Variants in ADAM9 observed in about 807,000 individuals in gnomAD.
ADAM9 encodes the protein ADAM metallopeptidase domain 9, also known as disintegrin and metalloproteinase domain-containing protein 9.
In ADAM9, 54 loss-of-function variants were observed where a neutral mutation model predicts 108.1. The observed-to-expected ratio is 0.50, with a 90% CI of 0.40 to 0.63. The LOEUF (loss-of-function observed/expected upper bound fraction) is 0.63, where lower values mean the gene tolerates loss of function less well. Among genes scored for constraint, ADAM9 ranks in the 20% least tolerant of loss-of-function variants. ADAM9 has a pLI of 0.00. For synonymous variants in ADAM9, 316 were observed against 336.0 expected, an observed-to-expected ratio of 0.94 and a Z score of 0.65; for missense variants, 830 against 997.7, an observed-to-expected ratio of 0.83 and a Z score of 2.26.
intron 12 of ADAM9, among the ~76,000 whole-genome samples, chr8:39,045,373 CATACACCTATAGGT>C (rs1564301004): frequency 3.1e-4 from 35 of 113,566 alleles, no homozygotes; most frequent in South Asian, 9.1e-4. Flanking sequence ...GGTGTGTGTA[CATACACCTATAGGT>C]GTGTGTACAC....
At chr8:39,088,642 C>G (rs1189724374) in intron 18 of ADAM9, among the ~76,000 whole-genome samples, 1 of 152,084 alleles carries the variant, frequency 6.6e-6, no homozygotes, top group Non-Finnish European at 1.5e-5. Context: ...TTTATATCTA[C>G]TATATTGTTT....
intron 12 of ADAM9, among the ~76,000 whole-genome samples, chr8:39,045,396 ACACACCTATATGTGCGCG>A (rs1837702004): frequency 6.9e-6 from 1 of 145,314 alleles, no homozygotes. Flanking sequence ...GTGTGTGTAC[ACACACCTATATGTGCGCG>A]TGTGTACACA....
intron 14 of ADAM9, among the ~76,000 whole-genome samples, chr8:39,063,040 C>T (rs1016451187): frequency 6.6e-6 from 1 of 152,216 alleles, no homozygotes; most frequent in African/African-American, 2.4e-5. Context: ...TGGCAACATT[C>T]AATGCAGACT....
At chr8:39,041,768 G>T (rs1363205893) in intron 11 of ADAM9, among the ~76,000 whole-genome samples, 178 bp from the exon 12 acceptor site, 1 of 152,120 alleles carries the variant, frequency 6.6e-6, no homozygotes, top group African/African-American at 2.4e-5. Flanking sequence ...TTATATAGTA[G>T]CTGAAGTAAT....
At chr8:39,051,841 C>T (rs559386202) in intron 12 of ADAM9, among the ~76,000 whole-genome samples, 1 of 152,068 alleles carries the variant, frequency 6.6e-6, no homozygotes, top group East Asian at 1.9e-4. Context: ...TTTATTTAAC[C>T]ATACTCTCAT....
At chr8:39,084,372 A>C (rs1403633566) in intron 18 of ADAM9, among the ~76,000 whole-genome samples, 1 of 148,838 alleles carries the variant, frequency 6.7e-6, no homozygotes, top group East Asian at 2.0e-4. Flanking sequence ...TATTGCTATC[A>C]GTTTTCCTTT....
rs891332572 is a variant in ADAM9 at position 39,012,479 on chromosome 8, A to G, written c.254+763A>G. ...CCAATAGATTATAAATCATGCTGCT[A>G]TAAAGACACATGCACACATATGTTT... On this transcript the variant is annotated intron_variant, in intron 3 of 21. Transcript: ENST00000487273. Among the ~76,000 whole-genome samples the G allele has an allele frequency of 2.6e-5, 4 of 152,258 alleles. No individual in the cohort carries two copies. The East Asian group carries it at 7.7e-4, about 29-fold the overall frequency.
chr8:38,997,170 C>T lies in ADAM9; in HGVS notation c.97+10C>T, dbSNP rs543712046. 1.9e-6 allele frequency: 3 copies of T among 1,595,484 alleles called. No individual in the cohort carries two copies. Among genetic ancestry groups the T allele is most frequent in the Non-Finnish European group, 2.5e-6 (3 of 1,177,554 alleles). The stretch of plus-strand genomic sequence containing the variant: ...GGTGCGGCGCGGCCAGGTGGGTGTC[C>T]GCGCCCCGGGTCGGTTGGGACGGCT... On this transcript the variant is annotated intron_variant, in intron 1 of 21. Transcript: ENST00000487273.
chr8:39,009,872 C>T (rs1447836045), intron 2 of ADAM9, among the ~76,000 whole-genome samples: 1 of 112,926 alleles, frequency 8.9e-6, no homozygotes, highest in Non-Finnish European at 1.6e-5. Flanking sequence ...GTCTTGTATT[C>T]TATGGAGCTT....
intron 6 of ADAM9, among the ~76,000 whole-genome samples, 163 bp downstream of exon 6, chr8:39,017,577 C>T (rs553332678): frequency 5.9e-5 from 9 of 151,970 alleles, no homozygotes; most frequent in Admixed American, 3.9e-4. Flanking sequence ...AAAAGATGAG[C>T]GATATATAGT....
At chr8:39,004,150 T>C (rs1461088386) in intron 1 of ADAM9, among the ~76,000 whole-genome samples, 1 of 152,210 alleles carries the variant, frequency 6.6e-6, no homozygotes, top group Non-Finnish European at 1.5e-5. Flanking sequence ...ACGAAAAAAC[T>C]TCAGTTTGGT....
chr8:39,098,730 G>A (rs1420140028), intron 20 of ADAM9, among the ~76,000 whole-genome samples: 2 of 152,122 alleles, frequency 1.3e-5, no homozygotes, highest in Admixed American at 6.5e-5. Context: ...TAATATGTAT[G>A]CCCTTGGTGG....
At chr8:39,050,564 T>G (rs747939784) in intron 12 of ADAM9, among the ~76,000 whole-genome samples, 1 of 152,094 alleles carries the variant, frequency 6.6e-6, no homozygotes, top group Non-Finnish European at 1.5e-5. Flanking sequence ...CATTTTTCCA[T>G]TAAGTTGGTG....
chr8:39,016,207 C>G lies in ADAM9; in HGVS notation c.410+13C>G, dbSNP rs189863180. On this transcript the variant is annotated intron_variant, in intron 5 of 21. Coordinates refer to ENST00000487273, the MANE Select transcript of ADAM9 (RefSeq NM_003816.3). ...GTTTTGGACTCAGGTAAGCAATTTC[C>G]TTTATCTTCTTTTTTTTTGTTTCCC... The G allele has an allele frequency of 1.9e-6, 3 of 1,605,500 alleles. No homozygotes were observed. The highest frequency in any genetic ancestry group is 2.7e-5 in the African/African-American group (2 of 74,796).
Position 39,054,572 on chromosome 8 carries a change from G to A in ADAM9, c.1394G>A (p.Arg465Gln), listed in dbSNP as rs78001852. ...CAYGDCCKDC[R>Q]FLPGGTLCRG... ...TATGGTGACTGTTGTAAAGACTGTC[G>A]GGTAAGGAATTCCTCCCTTTTGGAA... The change falls in exon 13 of 22, where the codon CGG (arginine) becomes CAG (glutamine). Residue 465 changes from arginine (R) to glutamine (Q), a missense_variant and splice_region_variant. Physicochemically the swap from Arg to Gln is conservative, Grantham distance 43. Coordinates refer to ENST00000487273, the MANE Select transcript of ADAM9 (RefSeq NM_003816.3). 4.5e-4 allele frequency: 723 copies of A among 1,598,732 alleles called. 4 individuals carry two copies. In the East Asian group the frequency reaches 0.013, roughly 30 times the overall value.
chr8:39,011,766 A>G, intron 3 of ADAM9, 50 bp downstream of exon 3: 1 of 1,499,560 alleles, frequency 6.7e-7, no homozygotes, highest in African/African-American at 1.4e-5. Context: ...TTCCAATAGT[A>G]TATTGGTTTT....
intron 4 of ADAM9, 47 bp downstream of exon 4, chr8:39,014,090 T>C: frequency 6.6e-7 from 1 of 1,525,940 alleles, no homozygotes; most frequent in Non-Finnish European, 9.1e-7. Context: ...AAAACAATTA[T>C]AATTTAAAAA....
At chr8:39,038,281 T>C (rs1837347758) in intron 11 of ADAM9, among the ~76,000 whole-genome samples, 1 of 152,238 alleles carries the variant, frequency 6.6e-6, no homozygotes, top group Admixed American at 6.5e-5. Flanking sequence ...ATTCCTACAA[T>C]GGCCTATTCC....
intron 12 of ADAM9, among the ~76,000 whole-genome samples, chr8:39,052,614 T>A (rs1837993661): frequency 6.6e-6 from 1 of 152,142 alleles, no homozygotes; most frequent in African/African-American, 2.4e-5. Context: ...CTCTTTTAAT[T>A]GAGGAGGGGG....
Sources: gnomAD v4.1 joint callset for allele counts (sites outside exome capture counted in the v4.1 genomes callset) on GRCh38, gnomAD v4.1.1 for gene constraint, MANE v1.5 for transcripts, NCBI Gene and HGNC (gene_info 2026-07-23, HGNC 2026-07-21) for gene names.